Variants in CLCN5 observed in about 807,000 individuals in gnomAD.
CLCN5 encodes Cl-/H+ antiporter 5.
In CLCN5, 17 loss-of-function variants were observed where a neutral mutation model predicts 54.0. That is an observed-to-expected ratio of 0.31 (90% CI 0.22 to 0.47). CLCN5 has a LOEUF of 0.47. Among genes scored for constraint, CLCN5 ranks in the 20% least tolerant of loss-of-function variants. CLCN5 has a pLI of 1.00. For missense variants in CLCN5, 448 were observed against 646.7 expected (o/e 0.69, Z 3.33); for synonymous variants, 222 against 233.0 (o/e 0.95, Z 0.43).
chrX:50,064,265 C>A (rs182215096), intron 4 of CLCN5, among the ~76,000 whole-genome samples: 4 of 109,975 alleles, frequency 3.6e-5, no homozygotes, highest in African/African-American at 1.3e-4. Flanking sequence ...AAAACCCCGT[C>A]GTCTCAGCCC....
chrX:50,089,679 A>T (rs1934017930), intron 12 of CLCN5, among the ~76,000 whole-genome samples: 1 of 111,820 alleles, frequency 8.9e-6, no homozygotes, highest in African/African-American at 3.3e-5. Context: ...TGAGGTTAGG[A>T]GTTTGAGACC....
In CLCN5 at chrX:49,962,892, C is replaced by T. The variant is rs1557174925; in HGVS notation, c.16+37578C>T. Among the ~76,000 whole-genome samples the T allele has an allele frequency of 2.7e-5, 3 of 111,645 alleles. No homozygotes were observed. In the East Asian group the frequency reaches 8.5e-4, roughly 31 times the overall value. On this transcript the variant is annotated intron_variant, in intron 3 of 14. Transcript: ENST00000376091. ...CTGGTGCCATCTTAAGCCTAGGGGC[C>T]GTAGCATGAGCTAACAATCCAGTAT...
chrX:49,925,260 T>A lies in CLCN5; in HGVS notation c.-39T>A. ...ACAAAACTGAGAGGCTCTGGGAAAC[T>A]CAGCCTGTGACCCCAGCGTGGGTGA... On this transcript the variant is annotated 5_prime_UTR_variant, in exon 3 of 15. Transcript: ENST00000376091. The A allele has an allele frequency of 8.3e-7, 1 of 1,204,731 alleles. No individual in the cohort carries two copies. The highest frequency in any genetic ancestry group is 1.1e-6 in the Non-Finnish European group (1 of 888,912).
intron 3 of CLCN5, among the ~76,000 whole-genome samples, chrX:50,019,464 T>C (rs1245257991): frequency 1.1e-5 from 1 of 92,131 alleles, no homozygotes; most frequent in Non-Finnish European, 2.1e-5. Context: ...TACTTTTTTT[T>C]TTTCTTTTTT....
chrX:50,071,118 A>C (rs1368220574), intron 5 of CLCN5, among the ~76,000 whole-genome samples: 1 of 110,767 alleles, frequency 9.0e-6, no homozygotes, highest in East Asian at 2.8e-4. Flanking sequence ...TCTCTTGAGT[A>C]GTCAGGTGGA....
At chrX:50,078,984 G>A (rs1224773297) in intron 7 of CLCN5, among the ~76,000 whole-genome samples, 2 of 111,221 alleles carry the variant, frequency 1.8e-5, no homozygotes, top group Non-Finnish European at 3.8e-5. Flanking sequence ...TACCACGCCC[G>A]GCTAATTTTT....
intron 3 of CLCN5, among the ~76,000 whole-genome samples, chrX:50,013,055 A>C (rs1930589978): frequency 9.0e-6 from 1 of 111,449 alleles, no homozygotes; most frequent in African/African-American, 3.3e-5. Context: ...CTAAGTGAAC[A>C]CACAACAAGT....
chrX:49,948,378 C>G (rs1174780275), intron 3 of CLCN5, among the ~76,000 whole-genome samples: 1 of 110,992 alleles, frequency 9.0e-6, no homozygotes, highest in Admixed American at 9.6e-5. Context: ...ATCAGGATAC[C>G]CTTACTTGGA....
intron 3 of CLCN5, among the ~76,000 whole-genome samples, chrX:49,999,385 T>C (rs1181967353): frequency 1.8e-5 from 2 of 109,314 alleles, no homozygotes; most frequent in African/African-American, 6.7e-5. Context: ...CCCACAAGCA[T>C]GCATTATTGG....
At chrX:50,026,820 A>G (rs1931414151) in intron 3 of CLCN5, among the ~76,000 whole-genome samples, 1 of 110,946 alleles carries the variant, frequency 9.0e-6, no homozygotes, top group African/African-American at 3.3e-5. Context: ...TACCCCGGCA[A>G]CTTTGAAGAT....
chrX:50,092,266 G>C lies in CLCN5; in HGVS notation c.*47G>C. 1 of 914,664 alleles carries C rather than the reference G, an allele frequency of 1.1e-6. No individual in the cohort carries two copies. The highest frequency in any genetic ancestry group is 1.6e-6 in the Non-Finnish European group (1 of 626,097). The allele number at this position is 914,664 out of a possible 1,213,427, so 75.4% of individuals were successfully genotyped here. ...AAGCGGGAAGGACATTACAGACCAT[G>C]GATATGTTGTATTAACTGGGTACCC... On this transcript the variant is annotated 3_prime_UTR_variant, in exon 15 of 15. Coordinates refer to ENST00000376091, the MANE Select transcript of CLCN5 (RefSeq NM_001127898.4).
chrX:50,034,409 C>T (rs1321260457), intron 3 of CLCN5, among the ~76,000 whole-genome samples: 1 of 111,635 alleles, frequency 9.0e-6, no homozygotes, highest in Non-Finnish European at 1.9e-5. Context: ...TCTCTAATCC[C>T]CTTCTTCCTC....
At chrX:50,028,764 C>A (rs1450690657) in intron 3 of CLCN5, among the ~76,000 whole-genome samples, 1 of 112,051 alleles carries the variant, frequency 8.9e-6, no homozygotes, top group African/African-American at 3.2e-5. Context: ...TTTGCATCCA[C>A]CTTTTCCTTA....
chrX:50,043,733 C>CT (rs1177939118), intron 4 of CLCN5, among the ~76,000 whole-genome samples: 1 of 111,114 alleles, frequency 9.0e-6, no homozygotes, highest in Admixed American at 9.6e-5. Flanking sequence ...TCTCTTTTAA[C>CT]TTTTTTTTAA....
At chrX:50,012,267 GATA>G (rs782233648) in intron 3 of CLCN5, among the ~76,000 whole-genome samples, 1 of 111,824 alleles carries the variant, frequency 8.9e-6, no homozygotes, top group African/African-American at 3.2e-5. Flanking sequence ...GTGTGCATAG[GATA>G]ATGAGTGTCA....
chrX:49,945,270 A>G (rs185147782), intron 3 of CLCN5: 16 of 111,371 alleles, frequency 1.4e-4, no homozygotes, highest in Admixed American at 1.4e-3. Context: ...TTGGATAATT[A>G]TTTCTTAGTA....
intron 4 of CLCN5, among the ~76,000 whole-genome samples, chrX:50,064,181 G>A (rs1236776012): frequency 4.5e-5 from 5 of 110,563 alleles, no homozygotes; most frequent in East Asian, 5.7e-4. Context: ...AGGAGAAGGA[G>A]ATAAAGGGTG....
intron 7 of CLCN5, among the ~76,000 whole-genome samples, chrX:50,078,182 TA>T (rs1464092146): frequency 1.8e-5 from 2 of 109,631 alleles, no homozygotes; most frequent in Non-Finnish European, 3.8e-5. Flanking sequence ...TGTCTAAAAA[TA>T]AAAAAACTGG....
chrX:49,944,317 G>A (rs1926562351), intron 3 of CLCN5, among the ~76,000 whole-genome samples: 1 of 111,132 alleles, frequency 9.0e-6, no homozygotes, highest in Non-Finnish European at 1.9e-5. Context: ...GAGATGATGG[G>A]GTTTTCTAGA....
Sources: gnomAD v4.1 joint callset for allele counts (sites outside exome capture counted in the v4.1 genomes callset) on GRCh38, gnomAD v4.1.1 for gene constraint, MANE v1.5 for transcripts, NCBI Gene and HGNC (gene_info 2026-07-23, HGNC 2026-07-21) for gene names.